Variants in MPDZ observed in about 807,000 individuals in gnomAD.
The protein encoded by MPDZ is multiple PDZ domain protein.
MPDZ carries 234 observed loss-of-function variants against 239.1 expected under a neutral mutation model. The ratio of observed to expected loss-of-function variants is 0.98; its 90% CI spans 0.88 to 1.09. The LOEUF is 1.09. MPDZ is among the 50% of genes least tolerant of loss of function. The probability of loss-of-function intolerance (pLI) is 0.00; values close to 1 mark genes in which losing one functional copy is unlikely to be tolerated. For missense variants in MPDZ, 3,175 were observed against 2,510.0 expected (o/e 1.26, Z -5.66); for synonymous variants, 1,048 against 881.3 (o/e 1.19, Z -3.35).
chr9:13,186,061 A>C (rs926206303), intron 18 of MPDZ, among the ~76,000 whole-genome samples: 1 of 152,164 alleles, frequency 6.6e-6, no homozygotes, highest in Non-Finnish European at 1.5e-5. Flanking sequence ...ATGCAACGTT[A>C]ATTAAGTTTT....
intron 1 of MPDZ, among the ~76,000 whole-genome samples, chr9:13,265,842 T>G (rs1321729021): frequency 6.6e-6 from 1 of 152,126 alleles, no homozygotes; most frequent in Non-Finnish European, 1.5e-5. Context: ...GGAGACGATA[T>G]TTCCAATACA....
chr9:13,251,729 T>C lies in MPDZ; in HGVS notation c.-57-1357A>G, dbSNP rs2138094954. ...AGCAGATCTACAGAGCATCAATGTC[T>C]GCAATTAGCTCTGTGTGATAAGAGA... is the stretch of plus-strand genomic sequence containing the variant. On this transcript the variant is annotated intron_variant, in intron 1 of 46. Transcript: ENST00000319217. Among the ~76,000 whole-genome samples, 4 of 152,370 alleles carry C rather than the reference T, an allele frequency of 2.6e-5. 1 individual carries two copies. The highest frequency in any genetic ancestry group is 2.6e-4 in the Admixed American group (4 of 15,304).
rs1410634177 is a variant in MPDZ, at chr9:13,188,662, T to C, written c.2364+122A>G. The stretch of plus-strand genomic sequence containing the variant: ...ATCTTTATACGAATGGAGCTAGTAA[T>C]CACGTTGATGAAAACTACTAAAAGT... On this transcript the variant is annotated intron_variant, in intron 17 of 46. Coordinates refer to ENST00000319217, the MANE Select transcript of MPDZ (RefSeq NM_001378778.1). 4.3e-6 allele frequency: 3 copies of C among 699,408 alleles called. No homozygotes were observed. The African/African-American group carries it at 5.3e-5, about 12-fold the overall frequency. The allele number at this position is 699,408 out of a possible 1,614,324, so 43.3% of individuals were successfully genotyped here.
At chr9:13,202,747 G>C (rs548866829) in intron 12 of MPDZ, among the ~76,000 whole-genome samples, 24 of 152,266 alleles carry the variant, frequency 1.6e-4, no homozygotes, top group African/African-American at 5.3e-4. Flanking sequence ...TCTTTGAATG[G>C]CATTATGCCA....
intron 32 of MPDZ, among the ~76,000 whole-genome samples, chr9:13,127,030 T>A (rs536410995): frequency 4.6e-5 from 7 of 152,244 alleles, no homozygotes; most frequent in Admixed American, 4.6e-4. Flanking sequence ...TTAGTAACTT[T>A]AGCAAAATAT....
intron 4 of MPDZ, 46 bp from the exon 5 acceptor site, chr9:13,223,756 G>T (rs1345516241): frequency 1.3e-6 from 2 of 1,530,788 alleles, no homozygotes; most frequent in African/African-American, 1.4e-5. Context: ...GCCAGGCCAT[G>T]CATGGTGGTT....
chr9:13,263,856 T>G (rs1971235212), intron 1 of MPDZ, among the ~76,000 whole-genome samples: 1 of 152,218 alleles, frequency 6.6e-6, no homozygotes, highest in Non-Finnish European at 1.5e-5. Context: ...CTTATATATC[T>G]TCTATGAATA....
intron 19 of MPDZ, among the ~76,000 whole-genome samples, chr9:13,177,792 T>C (rs1238652326): frequency 6.6e-6 from 1 of 152,122 alleles, no homozygotes; most frequent in Non-Finnish European, 1.5e-5. Context: ...ACAGGACTTT[T>C]GGGAGGACAG....
chr9:13,153,529 G>C (rs967574774), intron 24 of MPDZ, among the ~76,000 whole-genome samples: 1 of 152,012 alleles, frequency 6.6e-6, no homozygotes, highest in Non-Finnish European at 1.5e-5. Context: ...CTGCAGCCTT[G>C]ACTTTCAACC....
chr9:13,228,573 T>C (rs1961375021), intron 3 of MPDZ, among the ~76,000 whole-genome samples: 2 of 152,296 alleles, frequency 1.3e-5, no homozygotes, highest in Admixed American at 1.3e-4. Context: ...TCTTCATACA[T>C]GCAATTTGTT....
chr9:13,111,253 G>T (rs1347155495), intron 43 of MPDZ, among the ~76,000 whole-genome samples: 9 of 152,158 alleles, frequency 5.9e-5, no homozygotes. Flanking sequence ...AGACTCACAG[G>T]TCCCACAAAG....
At chr9:13,246,345 G>C (rs2137682123) in intron 3 of MPDZ, among the ~76,000 whole-genome samples, 1 of 152,302 alleles carries the variant, frequency 6.6e-6, no homozygotes, top group South Asian at 2.1e-4. Flanking sequence ...AGGAGGCTGA[G>C]GCAGGAGAAT....
At chr9:13,182,582 G>C (rs1443911048) in intron 19 of MPDZ, among the ~76,000 whole-genome samples, 2 of 151,816 alleles carry the variant, frequency 1.3e-5, no homozygotes, top group Non-Finnish European at 2.9e-5. Context: ...AGAATCAAAA[G>C]AAAAATGAGC....
chr9:13,176,962 A>C, intron 19 of MPDZ, among the ~76,000 whole-genome samples: 1 of 152,144 alleles, frequency 6.6e-6, no homozygotes. Context: ...TCGTAGGAAA[A>C]ATTTGCATAA....
intron 21 of MPDZ, among the ~76,000 whole-genome samples, chr9:13,175,161 C>T (rs1274785843): frequency 6.6e-6 from 1 of 152,060 alleles, no homozygotes; most frequent in Non-Finnish European, 1.5e-5. Context: ...TGCCTCAACA[C>T]AGTTTTAGCT....
chr9:13,136,725 T>A lies in MPDZ; in HGVS notation c.4279A>T (p.Ile1427Leu). The change falls in exon 30 of 47, where the codon ATA becomes TTA. Residue 1427 changes from isoleucine to leucine, a missense_variant. Coordinates refer to ENST00000319217, the MANE Select transcript of MPDZ (RefSeq NM_001378778.1). ...IIKCAPSKVK[I>L]IFIRNKDAVN... ...GAAAATGATCACCTGATAAAAATTA[T>A]TTTCACTTTAGAAGGGGCACATTTA... is the stretch of plus-strand genomic sequence containing the variant. 1 of 1,586,868 alleles carries A rather than the reference T, an allele frequency of 6.3e-7. No homozygotes were observed. Among genetic ancestry groups the A allele is most frequent in the Non-Finnish European group, 8.6e-7 (1 of 1,162,160 alleles).
chr9:13,127,694 C>A (rs1945325909), intron 32 of MPDZ, among the ~76,000 whole-genome samples: 1 of 152,164 alleles, frequency 6.6e-6, no homozygotes, highest in African/African-American at 2.4e-5. Flanking sequence ...ACATGTGGCT[C>A]TTCTGAGGTA....
chr9:13,171,527 C>T (rs773430557), intron 21 of MPDZ, among the ~76,000 whole-genome samples: 4 of 152,160 alleles, frequency 2.6e-5, no homozygotes, highest in Non-Finnish European at 4.4e-5. Flanking sequence ...GACTTCCTTT[C>T]TTTTCCCCTG....
chr9:13,174,482 C>T (rs993977366), intron 21 of MPDZ, among the ~76,000 whole-genome samples: 3 of 152,110 alleles, frequency 2.0e-5, no homozygotes, highest in Non-Finnish European at 2.9e-5. Context: ...AAAAATGCTA[C>T]ATTTGATAAT....
Sources: allele counts gnomAD v4.1 joint callset (sites outside exome capture counted in the v4.1 genomes callset), GRCh38; gene constraint gnomAD v4.1.1; transcripts MANE v1.5; gene names NCBI Gene and HGNC (gene_info 2026-07-23, HGNC 2026-07-21).